Variants in LRRC38 observed in about 807,000 individuals in gnomAD.
LRRC38 encodes the protein leucine-rich repeat-containing protein 38.
LRRC38 carries 5 observed loss-of-function variants against 16.4 expected under a neutral mutation model. That is an observed-to-expected ratio of 0.31 (90% CI 0.16 to 0.64). The LOEUF (loss-of-function observed/expected upper bound fraction) is 0.64, where lower values mean the gene tolerates loss of function less well. Ranked by LOEUF, LRRC38 falls within the 30% of genes least tolerant of loss-of-function variation. LRRC38 has a pLI of 0.80. For missense variants in LRRC38, 341 were observed against 401.8 expected, an observed-to-expected ratio of 0.85 and a Z score of 1.29; for synonymous variants, 191 against 190.2, an observed-to-expected ratio of 1.00 and a Z score of -0.04.
chr1:13,512,562 T>C (rs1285114069), intron 1 of LRRC38, among the ~76,000 whole-genome samples: 1 of 152,098 alleles, frequency 6.6e-6, no homozygotes, highest in African/African-American at 2.4e-5. Flanking sequence ...TGGAACTGGC[T>C]GACTCCCCGT....
chr1:13,507,702 G>T (rs3013052), intron 1 of LRRC38, among the ~76,000 whole-genome samples: 96,892 of 150,824 alleles, frequency 0.64, 32,002 homozygotes, highest in African/African-American at 0.74. Context: ...TGTGGTGGCA[G>T]GCGCCTATAA....
intron 1 of LRRC38, among the ~76,000 whole-genome samples, chr1:13,501,366 C>T (rs1280869235): frequency 6.6e-6 from 1 of 152,070 alleles, no homozygotes; most frequent in Non-Finnish European, 1.5e-5. Context: ...GCTTAATTTT[C>T]CATAAACCTC....
At chr1:13,476,124 G>C (rs1455053299) in intron 1 of LRRC38, 25 bp from the exon 2 acceptor site, 1 of 1,548,812 alleles carries the variant, frequency 6.5e-7, no homozygotes, top group Admixed American at 2.0e-5. Context: ...GCAGAGGAGA[G>C]AGAGATTTAG....
At chr1:13,491,816 C>T (rs1639015773) in intron 1 of LRRC38, among the ~76,000 whole-genome samples, 2 of 152,156 alleles carry the variant, frequency 1.3e-5, no homozygotes, top group South Asian at 2.1e-4. Flanking sequence ...GCTGGGATTA[C>T]AGGCATGTGC....
At position 13,476,067 on chromosome 1, in the gene LRRC38, C is replaced by T. The variant is rs1638784907; in HGVS notation, c.664G>A (p.Glu222Lys). The T allele has an allele frequency of 4.5e-6, 7 of 1,550,290 alleles. No homozygotes were observed. Among genetic ancestry groups the T allele is most frequent in the Non-Finnish European group, 6.1e-6 (7 of 1,146,892 alleles). ...TCACGCAGGGATATCCTCCTGCTCT[C>T]CATGGGCAGGGAGCACTGGATTTCA... ...LDEIQCSLPM[E>K]SRRISLRELS... The change falls in exon 2 of 2, where the codon GAG becomes AAG. Residue 222 changes from glutamate to lysine, a missense_variant. Transcript: ENST00000376085.
chr1:13,477,558 C>G (rs1638803429), intron 1 of LRRC38, among the ~76,000 whole-genome samples: 1 of 152,066 alleles, frequency 6.6e-6, no homozygotes, highest in Non-Finnish European at 1.5e-5. Flanking sequence ...GGGAAAAAGG[C>G]CGGGTGTGGT....
chr1:13,494,820 T>C (rs1639062572), intron 1 of LRRC38, among the ~76,000 whole-genome samples: 1 of 152,238 alleles, frequency 6.6e-6, no homozygotes. Flanking sequence ...GCAGGTTACA[T>C]GACCCTACAG....
At position 13,512,011 on chromosome 1, in the gene LRRC38, G is replaced by A. The variant is rs115333371; in HGVS notation, c.631+952C>T. On this transcript the variant is annotated intron_variant, in intron 1 of 1. Coordinates refer to ENST00000376085, the MANE Select transcript of LRRC38 (RefSeq NM_001010847.2). ...TGTCACCTTTGATGATGTGCGCCTT[G>A]CAGCTGTGGTCCCAATTCTGCTGAA... 4.3e-3 allele frequency among the ~76,000 whole-genome samples: 654 copies of A among 152,338 alleles called. 5 individuals are homozygous for A. Among genetic ancestry groups the A allele is most frequent in the African/African-American group, 0.015 (629 of 41,586 alleles).
In LRRC38 at chr1:13,513,600, G is replaced by A. The variant is rs548065630; in HGVS notation, c.-7C>T. 2.7e-6 allele frequency: 3 copies of A among 1,108,896 alleles called. No homozygotes were observed. In the South Asian group the frequency reaches 1.3e-4, roughly 48 times the overall value. The allele number at this position is 1,108,896 out of a possible 1,614,324, so 68.7% of individuals were successfully genotyped here. On this transcript the variant is annotated 5_prime_UTR_variant, in exon 1 of 2. Transcript: ENST00000376085. The stretch of plus-strand genomic sequence containing the variant: ...CTGGGGCTCGGGGGCGCATGGCCGG[G>A]GGGCCCGCGCCGGCCGCGGCGAGAA...
At position 13,513,730 on chromosome 1, in the gene LRRC38, C is replaced by A. The variant is rs1414366405; in HGVS notation, c.-137G>T. ...GGCCCGGGCGGGGAGGGCGTGCGCC[C>A]GGGCGTGCGGGGGCGATGGAGCGCG... On this transcript the variant is annotated 5_prime_UTR_variant, in exon 1 of 2. Coordinates refer to ENST00000376085, the MANE Select transcript of LRRC38 (RefSeq NM_001010847.2). The A allele has an allele frequency of 7.5e-6, 2 of 267,042 alleles. No homozygotes were observed. Among genetic ancestry groups the A allele is most frequent in the Non-Finnish European group, 1.1e-5 (2 of 188,002 alleles). The allele number at this position is 267,042 out of a possible 1,614,324, so 16.5% of individuals were successfully genotyped here. A position where few individuals can be genotyped will look rare whatever the true frequency, so the allele number is the denominator to read the frequency against.
chr1:13,479,152 T>C (rs1490936393), intron 1 of LRRC38, among the ~76,000 whole-genome samples: 3 of 151,822 alleles, frequency 2.0e-5, no homozygotes, highest in African/African-American at 7.3e-5. Context: ...AACAAAGTTA[T>C]ACTGGGCTTT....
intron 1 of LRRC38, among the ~76,000 whole-genome samples, chr1:13,500,373 T>C (rs1201884745): frequency 6.6e-6 from 1 of 152,118 alleles, no homozygotes; most frequent in Non-Finnish European, 1.5e-5. Context: ...CTCAAAGTCA[T>C]CTCTCTGCTC....
At chr1:13,512,941 C>CCCCCAA in intron 1 of LRRC38, 22 bp downstream of exon 1, 2 of 1,522,406 alleles carry the variant, frequency 1.3e-6, no homozygotes, top group African/African-American at 1.4e-5. Flanking sequence ...CTCCCTCCCC[C>CCCCCAA]AGCCTAGCCG....
At chr1:13,480,659 G>C (rs1324517023) in intron 1 of LRRC38, among the ~76,000 whole-genome samples, 1 of 151,866 alleles carries the variant, frequency 6.6e-6, no homozygotes, top group African/African-American at 2.4e-5. Flanking sequence ...TCACTACCAT[G>C]ATGTTTTTAG....
rs1367572816 is a variant in LRRC38, at chr1:13,513,618, G to A, written c.-25C>T. On this transcript the variant is annotated 5_prime_UTR_variant, in exon 1 of 2. Coordinates refer to ENST00000376085, the MANE Select transcript of LRRC38 (RefSeq NM_001010847.2). ...TGGCCGGGGGGCCCGCGCCGGCCGCGGCGAGAAGGAAGCGGCTCTCGGAGC... is the reference window on the plus strand; with the variant it reads ...TGGCCGGGGGGCCCGCGCCGGCCGCAGCGAGAAGGAAGCGGCTCTCGGAGC... 1.9e-6 allele frequency: 2 copies of A among 1,065,588 alleles called. No individual in the cohort carries two copies. The highest frequency in any genetic ancestry group is 2.3e-6 in the Non-Finnish European group (2 of 883,746). 66.0% of individuals were successfully genotyped at this position (1,065,588 alleles called of 1,614,324 possible).
Position 13,512,920 on chromosome 1 carries a change from T to TCCCC in LRRC38, c.631+42_631+43insGGGG. ...ACTGGGGTCTGGGGTGGCCTCTCCCTGCCCCCCTCCCTCCCTCCCCCAGCC... is the reference window on the plus strand; with the variant it reads ...ACTGGGGTCTGGGGTGGCCTCTCCCTCCCCGCCCCCCTCCCTCCCTCCCCCAGCC... On this transcript the variant is annotated intron_variant, in intron 1 of 1. Transcript: ENST00000376085. 3.9e-6 allele frequency: 5 copies of TCCCC among 1,269,024 alleles called. No individual in the cohort carries two copies. In the South Asian group the frequency reaches 4.1e-5, roughly 10 times the overall value. 78.6% of individuals were successfully genotyped at this position (1,269,024 alleles called of 1,614,324 possible).
At chr1:13,483,288 A>G (rs559859538) in intron 1 of LRRC38, among the ~76,000 whole-genome samples, 1 of 152,210 alleles carries the variant, frequency 6.6e-6, no homozygotes, top group South Asian at 2.1e-4. Flanking sequence ...AGTAACTGGG[A>G]TTACAGGCAC....
Position 13,513,212 on chromosome 1 carries a change from C to A in LRRC38, c.382G>T (p.Gly128Trp). Residue 128 changes from glycine to tryptophan, a missense_variant, in exon 1 of 2, where the codon GGG becomes TGG. By Grantham distance (184) the Gly-to-Trp change is radical. Coordinates refer to ENST00000376085, the MANE Select transcript of LRRC38 (RefSeq NM_001010847.2). ...GCCAGGCTAAGCTTCACCAGCCTCC[C>A]GGCCGAGCGGAAGGCGCCGGCGCCC... is the stretch of plus-strand genomic sequence containing the variant. ...QLGAGAFRSA[G>W]RLVKLSLANN... is the part of the protein sequence containing the mutation. 6.4e-7 allele frequency: 1 copy of A among 1,550,508 alleles called. No homozygotes were observed.
At chr1:13,507,000 C>T (rs1451882551) in intron 1 of LRRC38, among the ~76,000 whole-genome samples, 1 of 152,220 alleles carries the variant, frequency 6.6e-6, no homozygotes, top group Admixed American at 6.5e-5. Flanking sequence ...GCTATCTGTC[C>T]ACTGTCTTAT....
Sources: allele counts gnomAD v4.1 joint callset (sites outside exome capture counted in the v4.1 genomes callset), GRCh38; gene constraint gnomAD v4.1.1; transcripts MANE v1.5; gene names NCBI Gene and HGNC (gene_info 2026-07-23, HGNC 2026-07-21).